Variants in WDFY4 observed in about 807,000 individuals in gnomAD.
WDFY4 encodes the protein WD repeat- and FYVE domain-containing protein 4.
In WDFY4, 169 loss-of-function variants were observed where a neutral mutation model predicts 351.9. The ratio of observed to expected loss-of-function variants is 0.48; its 90% confidence interval spans 0.42 to 0.55. WDFY4 has a LOEUF of 0.55. Ranked by LOEUF, WDFY4 falls within the 20% of genes least tolerant of loss-of-function variation. The pLI, the probability that WDFY4 is intolerant of heterozygous loss-of-function variation, is 0.00. For missense variants in WDFY4, 3,803 were observed against 3,935.6 expected, an observed-to-expected ratio of 0.97 and a Z score of 0.90; for synonymous variants, 1,622 against 1,574.6, an observed-to-expected ratio of 1.03 and a Z score of -0.71.
chr10:48,822,602 A>T, intron 35 of WDFY4, 65 bp downstream of exon 35: 1 of 1,393,944 alleles, frequency 7.2e-7, no homozygotes, highest in Non-Finnish European at 9.4e-7. Context: ...GCTATTGTCC[A>T]GTTGGTTCCA....
chr10:48,740,676 C>T (rs1236556163), intron 11 of WDFY4, among the ~76,000 whole-genome samples: 2 of 152,236 alleles, frequency 1.3e-5, no homozygotes, highest in East Asian at 1.9e-4. Context: ...CATCCTCACT[C>T]GGGAGGAGAA....
chr10:48,955,096 C>T (rs144112539), intron 51 of WDFY4, among the ~76,000 whole-genome samples: 73 of 152,322 alleles, frequency 4.8e-4, no homozygotes, highest in Non-Finnish European at 8.5e-4. Context: ...ATCAATCTCC[C>T]GCAGATGCAA....
Position 48,974,989 on chromosome 10 carries a change from G to C in WDFY4, c.9056G>C (p.Arg3019Pro). 1 of 1,551,606 alleles carries C rather than the reference G, an allele frequency of 6.4e-7. No individual in the cohort carries two copies. Among genetic ancestry groups the C allele is most frequent in the Non-Finnish European group, 8.7e-7 (1 of 1,146,992 alleles). ...CTGGACCACCTCACCCACGTGACCC[G>C]CCTGCCCGCCCATCGGGAAGGCATC... ...WDLDHLTHVT[R>P]LPAHREGISA... is the part of the protein sequence containing the mutation. Residue 3019 changes from arginine to proline, a missense_variant, in exon 58 of 62, where the codon CGC becomes CCC. Arg to Pro is a moderately radical substitution (Grantham distance 103). Around this residue, in one of 3 missense-constraint regions of WDFY4, gnomAD observed 3,054 missense variants for 3,148.6 expected, o/e 0.97. Coordinates refer to ENST00000325239, the MANE Select transcript of WDFY4 (RefSeq NM_001394531.1).
At chr10:48,793,999 A>G (rs1478792466) in intron 23 of WDFY4, among the ~76,000 whole-genome samples, 7 of 152,184 alleles carry the variant, frequency 4.6e-5, no homozygotes, top group African/African-American at 1.7e-4. Context: ...CCAGACTAAC[A>G]TTAAAACACT....
chr10:48,718,605 C>T (rs2132259803), intron 2 of WDFY4, among the ~76,000 whole-genome samples: 2 of 152,322 alleles, frequency 1.3e-5, no homozygotes, highest in Admixed American at 1.3e-4. Flanking sequence ...AGCTGACCTT[C>T]CTGGTGGGAA....
rs2069871676 is a variant in WDFY4, at chr10:48,873,628, A to G, written c.6879A>G (p.Gly2293=). ...CATGGGAACTCGACTGGAGAGAAGG[A>G]CCAGCTCGAATGAGGAAACGCATCA... is the stretch of plus-strand genomic sequence containing the variant. ...CSPWELDWRE[G]PARMRKRIKR... is the part of the protein sequence containing the mutation. The change falls in exon 41 of 62, where the codon GGA becomes GGG. Residue 2293 remains glycine, a synonymous_variant. Coordinates refer to ENST00000325239, the MANE Select transcript of WDFY4 (RefSeq NM_001394531.1). 7.7e-6 allele frequency: 12 copies of G among 1,551,826 alleles called. No individual in the cohort carries two copies. The highest frequency in any genetic ancestry group is 1.0e-5 in the Non-Finnish European group (12 of 1,147,016).
intron 36 of WDFY4, 86 bp from the exon 37 acceptor site, chr10:48,828,692 A>G: frequency 1.3e-6 from 1 of 756,002 alleles, no homozygotes; most frequent in Non-Finnish European, 2.1e-6. Context: ...TTATTGGAGG[A>G]TGATTATTTG....
intron 47 of WDFY4, among the ~76,000 whole-genome samples, chr10:48,930,048 T>C (rs187831888): frequency 1.3e-5 from 2 of 152,130 alleles, no homozygotes; most frequent in Middle Eastern, 3.4e-3. Context: ...CCAAGACACA[T>C]GGCCTGTCTG....
chr10:48,844,051 G>T (rs2068695146), intron 39 of WDFY4, among the ~76,000 whole-genome samples: 1 of 152,248 alleles, frequency 6.6e-6, no homozygotes, highest in African/African-American at 2.4e-5. Context: ...CCCACTCACA[G>T]CCGGGCCGCC....
chr10:48,713,170 C>T lies in WDFY4; in HGVS notation c.234+3204C>T, dbSNP rs146962535. ...TTGTCGGTCAGACTCTGCATGGAAG[C>T]GGTGATCTATGTTGTAGTTGGGGCT... On this transcript the variant is annotated intron_variant, in intron 2 of 61. Coordinates refer to ENST00000325239, the MANE Select transcript of WDFY4 (RefSeq NM_001394531.1). Among the ~76,000 whole-genome samples, 74 of 152,290 alleles carry T rather than the reference C, an allele frequency of 4.9e-4. 2 individuals carry two copies. In the East Asian group the frequency reaches 0.012, roughly 24 times the overall value.
chr10:48,969,325 A>T, intron 56 of WDFY4, 77 bp downstream of exon 56: 3 of 1,505,642 alleles, frequency 2.0e-6, no homozygotes, highest in Non-Finnish European at 2.7e-6. Flanking sequence ...TGGCCCAGAG[A>T]TAAGTGAGTC....
chr10:48,783,343 AT>A (rs548776115), intron 19 of WDFY4, among the ~76,000 whole-genome samples: 1 of 152,040 alleles, frequency 6.6e-6, no homozygotes, highest in South Asian at 2.1e-4. Context: ...TTTTATTTGT[AT>A]TTTTTATTGT....
intron 45 of WDFY4, among the ~76,000 whole-genome samples, chr10:48,898,361 C>A (rs149857569): frequency 2.0e-5 from 3 of 152,274 alleles, no homozygotes; most frequent in East Asian, 3.9e-4. Context: ...CATCCCCAGT[C>A]CCTGGGCCTC....
chr10:48,694,785 T>TCCAC (rs2063288913), intron 1 of WDFY4, among the ~76,000 whole-genome samples: 1 of 152,118 alleles, frequency 6.6e-6, no homozygotes, highest in Admixed American at 6.5e-5. Context: ...GGGGTGCCTG[T>TCCAC]CCACTTACTG....
chr10:48,943,915 G>C (rs543040590), intron 49 of WDFY4, among the ~76,000 whole-genome samples: 1 of 152,302 alleles, frequency 6.6e-6, no homozygotes, highest in East Asian at 1.9e-4. Flanking sequence ...TAACCCCACT[G>C]TGGCCTTTGG....
intron 53 of WDFY4, among the ~76,000 whole-genome samples, chr10:48,960,767 C>A (rs1209661058): frequency 2.0e-5 from 3 of 152,148 alleles, no homozygotes; most frequent in Non-Finnish European, 4.4e-5. Flanking sequence ...TCAGTTTACA[C>A]AGAACAACAT....
At chr10:48,689,882 T>C (rs1589388264) in intron 1 of WDFY4, among the ~76,000 whole-genome samples, 2 of 152,242 alleles carry the variant, frequency 1.3e-5, no homozygotes, top group East Asian at 3.8e-4. Flanking sequence ...ATTATTCCCA[T>C]TTTACAGATG....
intron 14 of WDFY4, among the ~76,000 whole-genome samples, 154 bp downstream of exon 14, chr10:48,774,826 G>T (rs2065975753): frequency 6.6e-6 from 1 of 152,204 alleles, no homozygotes; most frequent in Non-Finnish European, 1.5e-5. Flanking sequence ...GCTGAGCCTT[G>T]GGTCTGTGCC....
intron 12 of WDFY4, among the ~76,000 whole-genome samples, chr10:48,757,144 T>C (rs1330394329): frequency 1.3e-5 from 2 of 152,092 alleles, no homozygotes; most frequent in Admixed American, 6.6e-5. Flanking sequence ...TATTTCTTCT[T>C]GTTGAGTTTG....
Sources: gnomAD v4.1 joint callset for allele counts (sites outside exome capture counted in the v4.1 genomes callset) on GRCh38, gnomAD v4.1.1 for gene constraint, gnomAD v4.1.1 regional missense constraint, MANE v1.5 for transcripts, NCBI Gene and HGNC (gene_info 2026-07-23, HGNC 2026-07-21) for gene names.